EN2: variants seen among roughly 807,000 people sequenced by gnomAD.
EN2 encodes engrailed homeobox 2.
EN2 carries 7 observed loss-of-function variants against 25.0 expected under a neutral mutation model. That is an observed-to-expected ratio of 0.28 (90% CI 0.16 to 0.53). The LOEUF (loss-of-function observed/expected upper bound fraction) is 0.53, where lower values mean the gene tolerates loss of function less well. EN2 is among the 20% of genes least tolerant of loss of function. The probability of loss-of-function intolerance (pLI) is 0.96; values close to 1 mark genes in which losing one functional copy is unlikely to be tolerated. For missense variants in EN2, 524 were observed against 501.8 expected (o/e 1.04, Z -0.42); for synonymous variants, 277 against 243.3 (o/e 1.14, Z -1.29).
At chr7:155,462,332 G>A (rs1318060171) in intron 1 of EN2, 39 bp from the exon 2 acceptor site, 2 of 1,567,064 alleles carry the variant, frequency 1.3e-6, no homozygotes, top group African/African-American at 1.4e-5. Context: ...GCACACCTCT[G>A]GGTAACCTGA....
intron 1 of EN2, 59 bp downstream of exon 1, chr7:155,459,121 G>A: frequency 2.0e-6 from 3 of 1,472,732 alleles, no homozygotes; most frequent in Non-Finnish European, 2.7e-6. Context: ...GGAGCTGGGG[G>A]GCGGTGCTGG....
At chr7:155,461,838 C>T (rs1032647308) in intron 1 of EN2, among the ~76,000 whole-genome samples, 2 of 152,166 alleles carry the variant, frequency 1.3e-5, no homozygotes, top group African/African-American at 2.4e-5. Flanking sequence ...CTCTGGGCCC[C>T]TCCTGTCCTC....
Position 155,458,478 on chromosome 7 carries a change from G to A in EN2, c.101G>A (p.Gly34Asp). The change falls in exon 1 of 2, where the codon GGT (glycine) becomes GAT (aspartate). Residue 34 changes from glycine to aspartate, a missense_variant. By Grantham distance (94) the Gly-to-Asp change is moderately conservative. Transcript: ENST00000297375. ...SPGGGSGGGG[G>D]SSPGEADTGR... Reference sequence around the variant, plus strand: ...GGCGGCGGCTCGGGCGGCGGCGGCGGTAGCAGCCCGGGCGAAGCGGACACC... The same window carrying A: ...GGCGGCGGCTCGGGCGGCGGCGGCGATAGCAGCCCGGGCGAAGCGGACACC... 7.7e-7 allele frequency: 1 copy of A among 1,296,316 alleles called. No individual in the cohort carries two copies. Among genetic ancestry groups the A allele is most frequent in the Non-Finnish European group, 9.8e-7 (1 of 1,020,256 alleles). 80.3% of individuals were successfully genotyped at this position (1,296,316 alleles called of 1,614,324 possible). A position where few individuals can be genotyped will look rare whatever the true frequency, so the allele number is the denominator to read the frequency against.
intron 1 of EN2, among the ~76,000 whole-genome samples, chr7:155,461,951 G>A (rs973031344): frequency 2.6e-5 from 4 of 152,108 alleles, no homozygotes; most frequent in Admixed American, 6.6e-5. Context: ...TTCTGTGACC[G>A]CCCTGCAGCC....
Position 155,462,445 on chromosome 7 carries a change from GAGCAGCTGCAGA to G in EN2, c.761_772del (p.Glu254_Arg258delinsGly). ...GCGGCCGCGCACGGCCTTTACCGCC[GAGCAGCTGCAGA>G]GGCTCAAGGCCGAGTTCCAGACCAA... On this transcript the variant is annotated inframe_deletion, in exon 2 of 2. Transcript: ENST00000297375. The G allele has an allele frequency of 6.2e-7, 1 of 1,614,100 alleles. No individual in the cohort carries two copies. Among genetic ancestry groups the G allele is most frequent in the Middle Eastern group, 1.6e-4 (1 of 6,062 alleles).
chr7:155,460,398 G>C (rs191793852), intron 1 of EN2, among the ~76,000 whole-genome samples: 14 of 152,130 alleles, frequency 9.2e-5, no homozygotes, highest in Non-Finnish European at 1.6e-4. Flanking sequence ...GCAAGATAAT[G>C]TTTCTGTTCT....
Position 155,462,687 on chromosome 7 carries a change from G to C in EN2, c.1002G>C (p.Ter334TyrextTer21), listed in dbSNP as rs773232233. The C allele has an allele frequency of 7.0e-6, 11 of 1,569,812 alleles. No homozygotes were observed. ...AGGAGGGCAAGTCGGACAGCGAGTA[G>C]GGCGGGGGGCATGGAGGCCAGGTCT... is the stretch of plus-strand genomic sequence containing the variant. ...TAKEGKSDSE[*>Y] Residue 334 changes from the stop codon to tyrosine (Y), a stop_lost, in exon 2 of 2, where the codon TAG becomes TAC. Transcript: ENST00000297375.
At position 155,462,579 on chromosome 7, in the gene EN2, G is replaced by C; in HGVS notation, c.894G>C (p.Lys298Asn). Residue 298 changes from lysine (K) to asparagine (N), a missense_variant, in exon 2 of 2, where the codon AAG (lysine) becomes AAC (asparagine). Transcript: ENST00000297375. The stretch of plus-strand genomic sequence containing the variant: ...TTTGGTTCCAGAACAAGCGCGCCAA[G>C]ATCAAGAAGGCCACGGGCAACAAGA... ...IKIWFQNKRA[K>N]IKKATGNKNT... 6.2e-7 allele frequency: 1 copy of C among 1,614,164 alleles called. No homozygotes were observed.
Position 155,459,090 on chromosome 7 carries a change from G to C in EN2, c.685+28G>C, listed in dbSNP as rs545672292. The C allele has an allele frequency of 3.8e-5, 59 of 1,541,672 alleles. No homozygotes were observed. The East Asian group carries it at 6.0e-4, about 16-fold the overall frequency. ...GAGCCCGCGGGGACCACGCGTCCCG[G>C]CTCGCCGCGGGGAGGCCCGCGGAGC... is the stretch of plus-strand genomic sequence containing the variant. On this transcript the variant is annotated intron_variant, in intron 1 of 1. Transcript: ENST00000297375.
Position 155,462,996 on chromosome 7 carries a change from G to A in EN2, c.*309G>A. 1 of 225,938 alleles carries A rather than the reference G, an allele frequency of 4.4e-6. No individual in the cohort carries two copies. 14.0% of individuals were successfully genotyped at this position (225,938 alleles called of 1,614,324 possible). On this transcript the variant is annotated 3_prime_UTR_variant, in exon 2 of 2. Transcript: ENST00000297375. ...TTTAATCCCCTAAGCTCCATTATATGACATTGGACACTTTTTTATTATTCC... is the reference window on the plus strand; with the variant it reads ...TTTAATCCCCTAAGCTCCATTATATAACATTGGACACTTTTTTATTATTCC...
intron 1 of EN2, among the ~76,000 whole-genome samples, chr7:155,459,506 C>T (rs1379296578): frequency 1.3e-5 from 2 of 152,206 alleles, no homozygotes; most frequent in Admixed American, 6.5e-5. Flanking sequence ...CAGGCCAGGC[C>T]GGGGACGCAT....
intron 1 of EN2, among the ~76,000 whole-genome samples, chr7:155,460,946 C>G (rs1369493871): frequency 2.6e-5 from 4 of 152,200 alleles, no homozygotes; most frequent in African/African-American, 4.8e-5. Context: ...CCCACAGATC[C>G]TCTTTCTCCA....
chr7:155,459,405 C>T (rs1484259812), intron 1 of EN2, among the ~76,000 whole-genome samples: 1 of 152,252 alleles, frequency 6.6e-6, no homozygotes, highest in Non-Finnish European at 1.5e-5. Flanking sequence ...CCATGTCTCC[C>T]CCACTGTAGT....
Position 155,462,538 on chromosome 7 carries a change from G to C in EN2, c.853G>C (p.Glu285Gln). The C allele has an allele frequency of 6.2e-7, 1 of 1,614,188 alleles. No individual in the cohort carries two copies. Among genetic ancestry groups the C allele is most frequent in the Non-Finnish European group, 8.5e-7 (1 of 1,180,028 alleles). The stretch of plus-strand genomic sequence containing the variant: ...CCTGGCGCAGGAGCTGAGCCTCAAC[G>C]AGTCACAGATCAAGATTTGGTTCCA... The part of the protein sequence containing the change: ...QSLAQELSLN[E>Q]SQIKIWFQNK... The change falls in exon 2 of 2, where the codon GAG (glutamate) becomes CAG (glutamine). Residue 285 changes from glutamate to glutamine, a missense_variant. By Grantham distance (29) the Glu-to-Gln change is conservative. Transcript: ENST00000297375.
rs775802810 is a variant in EN2, at chr7:155,458,539, G to A, written c.162G>A (p.Leu54=). Reference sequence around the variant, plus strand: ...GGGCTCTGATGCTGCCCGCGGTCCTGCAGGCGCCCGGCAACCACCAGCACC... The same window carrying A: ...GGGCTCTGATGCTGCCCGCGGTCCTACAGGCGCCCGGCAACCACCAGCACC... ...RRRALMLPAV[L]QAPGNHQHPH... is the part of the protein sequence containing the mutation. The change falls in exon 1 of 2, where the codon CTG becomes CTA. Residue 54 remains leucine (L), a synonymous_variant. Coordinates refer to ENST00000297375, the MANE Select transcript of EN2 (RefSeq NM_001427.4). The A allele has an allele frequency of 2.1e-6, 3 of 1,406,778 alleles. No homozygotes were observed. The highest frequency in any genetic ancestry group is 3.0e-5 in the East Asian group (1 of 33,434). The allele number at this position is 1,406,778 out of a possible 1,614,324, so 87.1% of individuals were successfully genotyped here.
At chr7:155,462,064 G>C (rs962671998) in intron 1 of EN2, among the ~76,000 whole-genome samples, 5 of 152,236 alleles carry the variant, frequency 3.3e-5, no homozygotes, top group Admixed American at 6.5e-5. Flanking sequence ...GCCAGAAAGT[G>C]TGGGGAGTTT....
At chr7:155,459,175 G>T (rs1247921687) in intron 1 of EN2, 113 bp downstream of exon 1, 8 of 1,160,128 alleles carry the variant, frequency 6.9e-6, no homozygotes, top group South Asian at 3.3e-5. Flanking sequence ...CCTCCCCCGC[G>T]CACACGCACA....
intron 1 of EN2, among the ~76,000 whole-genome samples, chr7:155,460,728 T>C (rs975678517): frequency 3.9e-5 from 6 of 151,988 alleles, no homozygotes; most frequent in Non-Finnish European, 7.4e-5. Flanking sequence ...CCACCACCGT[T>C]CCGGAGGGCC....
chr7:155,462,366 C>T lies in EN2; in HGVS notation c.686-5C>T, dbSNP rs750669761. The T allele has an allele frequency of 9.8e-5, 157 of 1,605,618 alleles. 4 individuals carry two copies. The South Asian group carries it at 1.7e-3, about 17-fold the overall frequency. On this transcript the variant is annotated splice_polypyrimidine_tract_variant and splice_region_variant and intron_variant, in intron 1 of 1. Coordinates refer to ENST00000297375, the MANE Select transcript of EN2 (RefSeq NM_001427.4). ...GACTTCTCTCTGTCCACCGTATCTA[C>T]CCAGGTCCCAGGTCTCGAAAACCAA...
Sources: allele counts gnomAD v4.1 joint callset (sites outside exome capture counted in the v4.1 genomes callset), GRCh38; gene constraint gnomAD v4.1.1; transcripts MANE v1.5; gene names NCBI Gene and HGNC (gene_info 2026-07-23, HGNC 2026-07-21).